Variants in IGDCC4 observed in about 807,000 individuals in gnomAD.
IGDCC4 encodes likely ortholog of mouse neighbor of Punc E11.
Under a neutral mutation model 116.6 loss-of-function variants are expected in IGDCC4, and 72 were observed. That is an observed-to-expected ratio of 0.62 (90% CI 0.51 to 0.75). The LOEUF (loss-of-function observed/expected upper bound fraction) is 0.75, where lower values mean the gene tolerates loss of function less well. Ranked by LOEUF, IGDCC4 falls within the 30% of genes least tolerant of loss-of-function variation. IGDCC4 has a pLI of 0.00. For missense variants in IGDCC4, 1,501 were observed against 1,662.4 expected (o/e 0.90, Z 1.69); for synonymous variants, 709 against 719.9 (o/e 0.98, Z 0.24).
chr15:65,402,034 A>T (rs2140218578), intron 4 of IGDCC4, among the ~76,000 whole-genome samples: 1 of 152,222 alleles, frequency 6.6e-6, no homozygotes, highest in African/African-American at 2.4e-5. Context: ...CCGGGCACTG[A>T]CACCGCCTCA....
intron 4 of IGDCC4, 74 bp downstream of exon 4, chr15:65,402,277 T>A: frequency 6.6e-7 from 1 of 1,510,626 alleles, no homozygotes; most frequent in Non-Finnish European, 8.9e-7. Flanking sequence ...CCTGGACCCC[T>A]TGAGGTCCCT....
In IGDCC4 at chr15:65,396,074, G is replaced by C; in HGVS notation, c.1087C>G (p.Arg363Gly). Residue 363 changes from arginine to glycine, a missense_variant, in exon 7 of 20, where the codon CGG becomes GGG. Physicochemically the swap from Arg to Gly is moderately radical, Grantham distance 125 (BLOSUM62 -2). Transcript: ENST00000352385. ...TTGTGCAGCCAGCGCAGCGCTGGCC[G>C]CGGCTCCCCCGACGCGCGGCACACG... is the stretch of plus-strand genomic sequence containing the variant. ...RFVCRASGEPRPALRWLHNGA... is the reference protein window; with the variant it reads ...RFVCRASGEPGPALRWLHNGA... 7.2e-7 allele frequency: 1 copy of C among 1,387,220 alleles called. No individual in the cohort carries two copies. The highest frequency in any genetic ancestry group is 9.3e-7 in the Non-Finnish European group (1 of 1,078,428). The allele number at this position is 1,387,220 out of a possible 1,614,324, so 85.9% of individuals were successfully genotyped here.
At chr15:65,385,643 C>T (rs1487292866) in intron 18 of IGDCC4, 188 bp downstream of exon 18, 11 of 671,842 alleles carry the variant, frequency 1.6e-5, no homozygotes, top group Non-Finnish European at 2.7e-5. Context: ...TGACCTATTC[C>T]GCCGGGATAT....
At position 65,396,138 on chromosome 15, in the gene IGDCC4, G is replaced by C. The variant is rs771492613; in HGVS notation, c.1023C>G (p.Pro341=). Reference sequence around the variant, plus strand: ...TCGCCCGCGTCCGCGACAGCGCCTCGGGCGCCTGAGTGATGGCGGGAGCCG... The same window carrying C: ...TCGCCCGCGTCCGCGACAGCGCCTCCGGCGCCTGAGTGATGGCGGGAGCCG... ...VLAAPAITQA[P]EALSRTRAST... Residue 341 remains proline, a synonymous_variant, in exon 7 of 20, where the codon CCC becomes CCG. Transcript: ENST00000352385. The C allele has an allele frequency of 1.4e-6, 2 of 1,469,244 alleles. No homozygotes were observed. The highest frequency in any genetic ancestry group is 1.5e-5 in the African/African-American group (1 of 68,562). The allele number at this position is 1,469,244 out of a possible 1,614,324, so 91.0% of individuals were successfully genotyped here.
In IGDCC4 at chr15:65,411,296, G is replaced by T. The variant is rs1567093039; in HGVS notation, c.145C>A (p.Pro49Thr). Reference sequence around the variant, plus strand: ...CAGTTTAGCACTGCAGCCTGCTCTGGGCCCAGGATCACTTGCAGTGGCCCC... The same window carrying T: ...CAGTTTAGCACTGCAGCCTGCTCTGTGCCCAGGATCACTTGCAGTGGCCCC... ...GVGPLQVILG[P>T]EQAAVLNCSL... The change falls in exon 2 of 20, where the codon CCA becomes ACA. Residue 49 changes from proline to threonine, a missense_variant. Coordinates refer to ENST00000352385, the MANE Select transcript of IGDCC4 (RefSeq NM_020962.3). 2.5e-6 allele frequency: 4 copies of T among 1,611,736 alleles called. No individual in the cohort carries two copies. The East Asian group carries it at 8.9e-5, about 36-fold the overall frequency.
At chr15:65,415,980 C>A (rs1316152589) in intron 1 of IGDCC4, among the ~76,000 whole-genome samples, 1 of 152,114 alleles carries the variant, frequency 6.6e-6, no homozygotes, top group Non-Finnish European at 1.5e-5. Context: ...TCATTCATTG[C>A]ATGACCTTGT....
chr15:65,390,374 G>T, intron 12 of IGDCC4, 36 bp from the exon 13 acceptor site: 1 of 1,518,704 alleles, frequency 6.6e-7, no homozygotes, highest in Non-Finnish European at 9.0e-7. Context: ...GGAAGGGAGG[G>T]AGGATACTCA....
At position 65,400,925 on chromosome 15, in the gene IGDCC4, C is replaced by A. The variant is rs774081910; in HGVS notation, c.722G>T (p.Gly241Val). The A allele has an allele frequency of 6.2e-7, 1 of 1,614,168 alleles. No individual in the cohort carries two copies. Among genetic ancestry groups the A allele is most frequent in the Non-Finnish European group, 8.5e-7 (1 of 1,180,036 alleles). Residue 241 changes from glycine to valine, a missense_variant, in exon 5 of 20, where the codon GGG becomes GTG. By Grantham distance (109) the Gly-to-Val change is moderately radical. This residue lies in a region of IGDCC4 where 898 missense variants were observed against 978.9 expected (regional missense o/e 0.92). Coordinates refer to ENST00000352385, the MANE Select transcript of IGDCC4 (RefSeq NM_020962.3). ...AHRGSLASTR[G>V]QDVVIVAAPE... ...GGCTGCCACAATGACCACGTCCTGC[C>A]CCCTGGTGGACGCCAGGGACCCTGG... is the stretch of plus-strand genomic sequence containing the variant.
rs901640705 is a variant in IGDCC4 at position 65,382,040 on chromosome 15, A to G, written c.*1969T>C. The G allele has an allele frequency of 4.7e-4, 72 of 152,716 alleles. No homozygotes were observed. Among genetic ancestry groups the G allele is most frequent in the African/African-American group, 1.6e-3 (66 of 41,576 alleles). 9.5% of individuals were successfully genotyped at this position (152,716 alleles called of 1,614,324 possible). On this transcript the variant is annotated 3_prime_UTR_variant, in exon 20 of 20. Transcript: ENST00000352385. Reference sequence around the variant, plus strand: ...AAAAATGACTATGTGGTATAATGCTAAGAGCCTACTGTTAAAACAGCCATT... The same window carrying G: ...AAAAATGACTATGTGGTATAATGCTGAGAGCCTACTGTTAAAACAGCCATT...
intron 18 of IGDCC4, chr15:65,385,620 G>T: frequency 1.6e-6 from 1 of 633,398 alleles, no homozygotes; most frequent in South Asian, 1.8e-5. Context: ...CCTTTCCTTC[G>T]TGAGAACCAA....
intron 3 of IGDCC4, among the ~76,000 whole-genome samples, chr15:65,408,458 C>G (rs1376987346): frequency 6.6e-6 from 1 of 152,186 alleles, no homozygotes; most frequent in Non-Finnish European, 1.5e-5. Flanking sequence ...GCTGGGTCAG[C>G]ATTTCCCAGG....
chr15:65,395,793 G>T lies in IGDCC4; in HGVS notation c.1368C>A (p.Ser456Arg), dbSNP rs1204933750. Residue 456 changes from serine to arginine, a missense_variant, in exon 7 of 20, where the codon AGC becomes AGA. Physicochemically the swap from Ser to Arg is moderately radical, Grantham distance 110 (BLOSUM62 -1). Around this residue, in one of 3 missense-constraint regions of IGDCC4, gnomAD observed 898 missense variants for 978.9 expected, o/e 0.92. Transcript: ENST00000352385. ...GGAGAGAGAAGCCGATGATCTGCTC[G>T]CTGTGCATCTCGGGCCGCTCCCAGG... ...LVAWERPEMH[S>R]EQIIGFSLHY... 1.4e-6 allele frequency: 2 copies of T among 1,480,228 alleles called. No individual in the cohort carries two copies. Among genetic ancestry groups the T allele is most frequent in the East Asian group, 2.7e-5 (1 of 36,662 alleles). The allele number at this position is 1,480,228 out of a possible 1,614,324, so 91.7% of individuals were successfully genotyped here.
chr15:65,385,063 C>T lies in IGDCC4; in HGVS notation c.3233G>A (p.Cys1078Tyr), dbSNP rs890757429. 4.4e-6 allele frequency: 7 copies of T among 1,603,100 alleles called. No individual in the cohort carries two copies. In the African/African-American group the frequency reaches 6.7e-5, roughly 15 times the overall value. The change falls in exon 19 of 20, where the codon TGT becomes TAT. Residue 1078 changes from cysteine (C) to tyrosine (Y), a missense_variant. By Grantham distance (194) the Cys-to-Tyr change is radical (BLOSUM62 -2). Coordinates refer to ENST00000352385, the MANE Select transcript of IGDCC4 (RefSeq NM_020962.3). The part of the protein sequence containing the change: ...GLSWAGSWAG[C>Y]ELPQAGPRPA... ...CCGGGGGCCTGCCTGGGGCAGCTCACAGCCTGCCCAGGAACCAGCCCAGCT... is the reference window on the plus strand; with the variant it reads ...CCGGGGGCCTGCCTGGGGCAGCTCATAGCCTGCCCAGGAACCAGCCCAGCT...
At chr15:65,406,203 A>G (rs1361625185) in intron 3 of IGDCC4, among the ~76,000 whole-genome samples, 1 of 152,222 alleles carries the variant, frequency 6.6e-6, no homozygotes, top group African/African-American at 2.4e-5. Context: ...TTTTATGGCT[A>G]TCTTCTATTT....
intron 2 of IGDCC4, chr15:65,410,544 T>C (rs116184684): frequency 2.3e-4 from 137 of 584,462 alleles, no homozygotes; most frequent in African/African-American, 2.3e-3. Context: ...AACATCATCA[T>C]GATGGTCAAA....
At chr15:65,401,407 G>C (rs1374259755) in intron 4 of IGDCC4, among the ~76,000 whole-genome samples, 4 of 152,226 alleles carry the variant, frequency 2.6e-5, no homozygotes, top group Non-Finnish European at 5.9e-5. Flanking sequence ...GTTTCTGCCT[G>C]TGCGGCAGTT....
chr15:65,392,089 A>G (rs1477361944), intron 11 of IGDCC4, 45 bp downstream of exon 11: 8 of 1,481,490 alleles, frequency 5.4e-6, no homozygotes, highest in South Asian at 1.3e-5. Flanking sequence ...CCCAGTCCCC[A>G]CTGAAGCTAC....
chr15:65,403,679 G>A (rs1290388810), intron 3 of IGDCC4, among the ~76,000 whole-genome samples: 6 of 152,100 alleles, frequency 3.9e-5, no homozygotes, highest in Non-Finnish European at 5.9e-5. Context: ...TGCCTGTCTC[G>A]GCAGCCATTG....
Position 65,388,789 on chromosome 15 carries a change from C to T in IGDCC4, c.2707+19G>A. On this transcript the variant is annotated intron_variant, in intron 15 of 19. Transcript: ENST00000352385. ...GCTGGGAAGCTCTTGAGCAGATGCC[C>T]TGGGGCAGGAGCCCTCACCCTGCGT... 6.2e-7 allele frequency: 1 copy of T among 1,613,772 alleles called. No homozygotes were observed.
Sources: gnomAD v4.1 joint callset for allele counts (sites outside exome capture counted in the v4.1 genomes callset) on GRCh38, gnomAD v4.1.1 for gene constraint, gnomAD v4.1.1 regional missense constraint, MANE v1.5 for transcripts, NCBI Gene and HGNC (gene_info 2026-07-23, HGNC 2026-07-21) for gene names.